LYST: variants seen among roughly 807,000 people sequenced by gnomAD.
LYST encodes the protein lysosomal-trafficking regulator.
In LYST, 192 loss-of-function variants were observed where a neutral mutation model predicts 413.6. That is an observed-to-expected ratio of 0.46 (90% CI 0.41 to 0.52). LYST has a LOEUF of 0.52. LYST is among the 20% of genes least tolerant of loss of function. The pLI is 0.00. For missense variants in LYST, 3,815 were observed against 4,499.9 expected, an observed-to-expected ratio of 0.85 and a Z score of 4.35; for synonymous variants, 1,525 against 1,567.3, an observed-to-expected ratio of 0.97 and a Z score of 0.64.
At chr1:235,718,349 T>C (rs530199963) in intron 40 of LYST, among the ~76,000 whole-genome samples, 1 of 151,942 alleles carries the variant, frequency 6.6e-6, no homozygotes, top group Non-Finnish European at 1.5e-5. Flanking sequence ...TATTTATCTG[T>C]GCAAGCATAT....
chr1:235,851,944 A>G (rs1051002652), intron 1 of LYST, among the ~76,000 whole-genome samples: 14 of 152,218 alleles, frequency 9.2e-5, no homozygotes, highest in African/African-American at 3.4e-4. Flanking sequence ...TCATGATCCC[A>G]TATTTATTGA....
intron 20 of LYST, among the ~76,000 whole-genome samples, chr1:235,768,911 G>A (rs570110979): frequency 3.9e-5 from 6 of 152,010 alleles, no homozygotes; most frequent in Admixed American, 2.6e-4. Context: ...TTACCACAGG[G>A]GCCAAGAAAG....
At chr1:235,834,369 A>G (rs1385290812) in intron 1 of LYST, among the ~76,000 whole-genome samples, 2 of 152,166 alleles carry the variant, frequency 1.3e-5, no homozygotes, top group East Asian at 1.9e-4. Flanking sequence ...ATTTTGAATT[A>G]TAAGTTTTAA....
intron 1 of LYST, among the ~76,000 whole-genome samples, chr1:235,863,489 C>A (rs570891213): frequency 1.3e-5 from 2 of 150,312 alleles, no homozygotes; most frequent in African/African-American, 4.9e-5. Flanking sequence ...GAACTTAAGC[C>A]GGCAACCAGA....
chr1:235,675,980 G>A (rs937303009), intron 50 of LYST, among the ~76,000 whole-genome samples: 1 of 152,172 alleles, frequency 6.6e-6, no homozygotes, highest in Non-Finnish European at 1.5e-5. Context: ...ACACTGAATG[G>A]ACAGAAAGAA....
chr1:235,720,783 C>A lies in LYST; in HGVS notation c.9438G>T (p.Leu3146Phe). The change falls in exon 40 of 53, where the codon TTG (leucine) becomes TTT (phenylalanine). Residue 3146 changes from leucine to phenylalanine, a missense_variant. Physicochemically the swap from Leu to Phe is conservative, Grantham distance 22 (BLOSUM62 0). Coordinates refer to ENST00000389793, the MANE Select transcript of LYST (RefSeq NM_000081.4). ...YTGQITNFEY[L>F]THLNKHAGRS... The stretch of plus-strand genomic sequence containing the variant: ...GGCCAGCATGTTTGTTTAAGTGAGT[C>A]AAATATTCAAAATTAGTAATTTGCC... 1 of 1,614,006 alleles carries A rather than the reference C, an allele frequency of 6.2e-7. No individual in the cohort carries two copies. The highest frequency in any genetic ancestry group is 1.1e-5 in the South Asian group (1 of 91,060).
chr1:235,733,428 G>A, intron 34 of LYST, 75 bp downstream of exon 34: 1 of 1,277,358 alleles, frequency 7.8e-7, no homozygotes, highest in Admixed American at 1.7e-5. Flanking sequence ...CTGAATTCCG[G>A]AATACAAATT....
chr1:235,704,298 T>C (rs1661783268), intron 44 of LYST, among the ~76,000 whole-genome samples: 1 of 152,214 alleles, frequency 6.6e-6, no homozygotes. Context: ...GGTAGAATAG[T>C]AGTTCTGTTT....
intron 14 of LYST, among the ~76,000 whole-genome samples, chr1:235,784,526 G>A (rs1186267406): frequency 6.6e-6 from 1 of 152,162 alleles, no homozygotes; most frequent in Non-Finnish European, 1.5e-5. Context: ...TTAAAGCATG[G>A]GCCCTCCCTA....
chr1:235,801,991 C>T (rs1430360852), intron 8 of LYST, among the ~76,000 whole-genome samples: 2 of 151,854 alleles, frequency 1.3e-5, no homozygotes, highest in Non-Finnish European at 2.9e-5. Context: ...GTCAGGAGTT[C>T]GAGACTAGCC....
At chr1:235,816,227 G>A (rs1050324755) in intron 3 of LYST, among the ~76,000 whole-genome samples, 4 of 147,516 alleles carry the variant, frequency 2.7e-5, no homozygotes, top group Admixed American at 6.8e-5. Flanking sequence ...AGATCACAAG[G>A]TCAGGCGATT....
rs550134731 is a variant in LYST, at chr1:235,684,357, T to C, written c.10800+2592A>G. ...GCAAAAGGAAATAAAAAGCAAAAGATAAAGCCAGGTTTTAAAAAAGGTGTC... is the reference window on the plus strand; with the variant it reads ...GCAAAAGGAAATAAAAAGCAAAAGACAAAGCCAGGTTTTAAAAAAGGTGTC... On this transcript the variant is annotated intron_variant, in intron 48 of 52. Transcript: ENST00000389793. Among the ~76,000 whole-genome samples, 5 of 152,172 alleles carry C rather than the reference T, an allele frequency of 3.3e-5. No individual in the cohort carries two copies. The South Asian group carries it at 1.0e-3, about 32-fold the overall frequency.
intron 1 of LYST, among the ~76,000 whole-genome samples, chr1:235,844,326 G>A (rs1677549298): frequency 6.6e-6 from 1 of 152,108 alleles, no homozygotes; most frequent in African/African-American, 2.4e-5. Flanking sequence ...GAATAAACAT[G>A]AATAACTTAG....
chr1:235,753,063 G>A lies in LYST; in HGVS notation c.7441C>T (p.Leu2481=). Residue 2481 remains leucine, a synonymous_variant, in exon 26 of 53, where the codon CTG becomes TTG. Coordinates refer to ENST00000389793, the MANE Select transcript of LYST (RefSeq NM_000081.4). ...LYVLCNTVAA[L]NGLEKNIPMS... is the part of the protein sequence containing the mutation. ...ACTTACTTCTTTTCTAATCCATTCA[G>A]GGCTGCTACTGTATTACATAACACA... The A allele has an allele frequency of 6.4e-7, 1 of 1,557,848 alleles. No individual in the cohort carries two copies. The highest frequency in any genetic ancestry group is 8.9e-7 in the Non-Finnish European group (1 of 1,129,430).
intron 1 of LYST, among the ~76,000 whole-genome samples, chr1:235,872,431 T>C (rs1680970196): frequency 6.6e-6 from 1 of 152,158 alleles, no homozygotes. Flanking sequence ...GACATGTGAT[T>C]GGACAAAAGA....
chr1:235,848,593 T>C (rs1006453054), intron 1 of LYST, among the ~76,000 whole-genome samples: 2 of 152,078 alleles, frequency 1.3e-5, no homozygotes, highest in South Asian at 2.1e-4. Flanking sequence ...AAAAAGCTGG[T>C]TCTTTGAAAA....
intron 1 of LYST, among the ~76,000 whole-genome samples, chr1:235,875,545 G>A (rs1455445255): frequency 2.6e-5 from 4 of 152,134 alleles, no homozygotes; most frequent in African/African-American, 9.7e-5. Context: ...TTTACCCTAA[G>A]CCAGGGGGCA....
chr1:235,733,143 T>A (rs1464357564), intron 34 of LYST, among the ~76,000 whole-genome samples: 1 of 152,182 alleles, frequency 6.6e-6, no homozygotes, highest in Non-Finnish European at 1.5e-5. Context: ...TAGAGAATAA[T>A]ACCTTGATTT....
At chr1:235,822,040 A>G (rs1453589467) in intron 3 of LYST, among the ~76,000 whole-genome samples, 1 of 152,206 alleles carries the variant, frequency 6.6e-6, no homozygotes, top group African/African-American at 2.4e-5. Flanking sequence ...AACCCCACTA[A>G]GATTCACAGG....
Sources: allele counts gnomAD v4.1 joint callset (sites outside exome capture counted in the v4.1 genomes callset), GRCh38; gene constraint gnomAD v4.1.1; transcripts MANE v1.5; gene names NCBI Gene and HGNC (gene_info 2026-07-23, HGNC 2026-07-21).